Variants in CDHR3 observed in about 807,000 individuals in gnomAD.
CDHR3 encodes the protein cadherin-related family member 3.
In CDHR3, 79 loss-of-function variants were observed where a neutral mutation model predicts 86.6. The ratio of observed to expected loss-of-function variants is 0.91; its 90% CI spans 0.76 to 1.10. The LOEUF is 1.10. Among genes scored for constraint, CDHR3 ranks in the 50% least tolerant of loss-of-function variants. The pLI, the probability that CDHR3 is intolerant of heterozygous loss-of-function variation, is 0.00. For synonymous variants in CDHR3, 421 were observed against 402.4 expected, an observed-to-expected ratio of 1.05 and a Z score of -0.55; for missense variants, 1,081 against 1,077.6, an observed-to-expected ratio of 1.00 and a Z score of -0.04.
chr7:106,028,025 A>G (rs1270719340), intron 16 of CDHR3, among the ~76,000 whole-genome samples: 1 of 151,914 alleles, frequency 6.6e-6, no homozygotes, highest in Non-Finnish European at 1.5e-5. Context: ...TACTGGGGAG[A>G]TAGCTGAGAG....
Position 105,963,280 on chromosome 7 carries a change from C to A in CDHR3, c.-39C>A. 1 of 1,608,636 alleles carries A rather than the reference C, an allele frequency of 6.2e-7. No homozygotes were observed. Among genetic ancestry groups the A allele is most frequent in the Non-Finnish European group, 8.5e-7 (1 of 1,175,234 alleles). On this transcript the variant is annotated 5_prime_UTR_variant, in exon 1 of 19. Coordinates refer to ENST00000317716, the MANE Select transcript of CDHR3 (RefSeq NM_152750.5). Reference sequence around the variant, plus strand: ...GTGTGAGACGGGATTCAGGCTGTGGCTAATGTGCTGGAAGCACGCACAGTT... The same window carrying A: ...GTGTGAGACGGGATTCAGGCTGTGGATAATGTGCTGGAAGCACGCACAGTT...
chr7:106,021,736 G>A (rs761337738), intron 13 of CDHR3, among the ~76,000 whole-genome samples: 1 of 152,206 alleles, frequency 6.6e-6, no homozygotes, highest in South Asian at 2.1e-4. Flanking sequence ...TGACCCACTG[G>A]GTCCTGTGAA....
intron 11 of CDHR3, among the ~76,000 whole-genome samples, chr7:106,017,564 GACAC>G (rs539661927): frequency 0.024 from 3,096 of 130,580 alleles, 30 homozygotes; most frequent in Admixed American, 0.028. Context: ...GTCACACACA[GACAC>G]ACACACACAC....
At chr7:105,993,006 G>C (rs1341885426) in intron 4 of CDHR3, among the ~76,000 whole-genome samples, 1 of 152,180 alleles carries the variant, frequency 6.6e-6, no homozygotes, top group African/African-American at 2.4e-5. Context: ...CTGTCTTCTT[G>C]TGCTGGGAGC....
intron 8 of CDHR3, among the ~76,000 whole-genome samples, chr7:106,005,552 G>A (rs1833832774): frequency 1.3e-5 from 2 of 152,192 alleles, no homozygotes; most frequent in African/African-American, 4.8e-5. Context: ...CCTGTATCTG[G>A]AGCAAGGCTG....
intron 9 of CDHR3, among the ~76,000 whole-genome samples, 170 bp downstream of exon 9, chr7:106,013,201 C>T (rs993577094): frequency 2.0e-5 from 3 of 152,140 alleles, no homozygotes; most frequent in African/African-American, 4.8e-5. Flanking sequence ...TTTATTTTAC[C>T]CTGGTTCCAG....
At chr7:105,966,310 T>C (rs985446932) in intron 1 of CDHR3, among the ~76,000 whole-genome samples, 3 of 152,172 alleles carry the variant, frequency 2.0e-5, no homozygotes, top group Non-Finnish European at 4.4e-5. Flanking sequence ...CCAGGGTATT[T>C]AATGAAAGAA....
chr7:105,996,745 A>G (rs2115761922), intron 6 of CDHR3, among the ~76,000 whole-genome samples: 1 of 152,190 alleles, frequency 6.6e-6, no homozygotes, highest in South Asian at 2.1e-4. Context: ...CGCTCCTAGT[A>G]TGTTATCCTC....
Position 106,032,580 on chromosome 7 carries a change from G to A in CDHR3, c.2541G>A (p.Ala847=), listed in dbSNP as rs1297175574. The change falls in exon 19 of 19, where the codon GCG becomes GCA. Residue 847 remains alanine (A), a synonymous_variant. Transcript: ENST00000317716. Reference sequence around the variant, plus strand: ...AAGAAGATGAGCTGAGTGGCAAAGCGTGGGCTGAGGATGCTGGTCTGGGTT... The same window carrying A: ...AAGAAGATGAGCTGAGTGGCAAAGCATGGGCTGAGGATGCTGGTCTGGGTT... The part of the protein sequence containing the change: ...NWEEDELSGK[A]WAEDAGLGSR... The A allele has an allele frequency of 7.4e-6, 12 of 1,613,892 alleles. No homozygotes were observed. The highest frequency in any genetic ancestry group is 1.1e-5 in the South Asian group (1 of 91,076).
Position 106,024,518 on chromosome 7 carries a change from C to A in CDHR3, c.2214C>A (p.Ile738=), listed in dbSNP as rs1485335571. 1.9e-6 allele frequency: 3 copies of A among 1,614,030 alleles called. No homozygotes were observed. The highest frequency in any genetic ancestry group is 1.1e-5 in the South Asian group (1 of 91,086). Residue 738 remains isoleucine (I), a synonymous_variant, in exon 15 of 19, where the codon ATC becomes ATA. Coordinates refer to ENST00000317716, the MANE Select transcript of CDHR3 (RefSeq NM_152750.5). ...TGGTCGTCCTATTGGCCAAAGCCAT[C>A]CACAGACACTGCCCCTGCAAGACTG... ...VYLVVLLAKA[I]HRHCPCKTGK... is the part of the protein sequence containing the mutation.
rs747564628 is a variant in CDHR3, at chr7:106,020,518, G to T, written c.1799G>T (p.Arg600Ile). Residue 600 changes from arginine to isoleucine, a missense_variant, in exon 13 of 19, where the codon AGA (arginine) becomes ATA (isoleucine). Arg to Ile is a moderately conservative substitution (Grantham distance 97). Transcript: ENST00000317716. ...LTCTDLDSSP[R>I]SFRYSIGPGN... ...TGTACCGACCTTGATTCCAGCCCCA[G>T]ATCTTTCCGTTATTCCATTGGCCCA... is the stretch of plus-strand genomic sequence containing the variant. 1 of 1,613,828 alleles carries T rather than the reference G, an allele frequency of 6.2e-7. No homozygotes were observed.
chr7:106,001,543 TGAA>T lies in CDHR3; in HGVS notation c.797_799del (p.Glu266del). On this transcript the variant is annotated inframe_deletion, in exon 7 of 19. Coordinates refer to ENST00000317716, the MANE Select transcript of CDHR3 (RefSeq NM_152750.5). Reference sequence around the variant, plus strand: ...ATATCACAGCGGAGGATCCTGATGATGAAGGTTTTCCCAGCCACCTCCTCTACA... The same window carrying T: ...ATATCACAGCGGAGGATCCTGATGATGGTTTTCCCAGCCACCTCCTCTACA... 1 of 1,613,992 alleles carries T rather than the reference TGAA, an allele frequency of 6.2e-7. No homozygotes were observed. The highest frequency in any genetic ancestry group is 1.1e-5 in the South Asian group (1 of 91,076).
intron 1 of CDHR3, among the ~76,000 whole-genome samples, chr7:105,970,907 C>T (rs555855766): frequency 1.3e-5 from 2 of 151,864 alleles, no homozygotes; most frequent in East Asian, 1.9e-4. Flanking sequence ...TTTGGGAGGC[C>T]GAGGCAGGTG....
chr7:106,029,541 C>G (rs547345053), intron 17 of CDHR3, among the ~76,000 whole-genome samples: 2 of 143,318 alleles, frequency 1.4e-5, no homozygotes, highest in East Asian at 4.2e-4. Flanking sequence ...CCCTCTCCTC[C>G]ACCTCTGTCT....
In CDHR3 at chr7:106,030,173, C is replaced by A. The variant is rs1838110829; in HGVS notation, c.2305-619C>A. On this transcript the variant is annotated intron_variant, in intron 17 of 18. Coordinates refer to ENST00000317716, the MANE Select transcript of CDHR3 (RefSeq NM_152750.5). This position sits in a 1 kb window ranked among gnomAD's most constrained non-coding sequence, Gnocchi z 4.8. ...AGGGAAGGGGGTGTTTCTATGGGGA[C>A]AAGGGACAGGTGCATTAGGCAGAAG... is the stretch of plus-strand genomic sequence containing the variant. 6.6e-6 allele frequency among the ~76,000 whole-genome samples: 1 copy of A among 152,196 alleles called. No homozygotes were observed. Among genetic ancestry groups the A allele is most frequent in the Admixed American group, 6.5e-5 (1 of 15,284 alleles).
intron 3 of CDHR3, among the ~76,000 whole-genome samples, chr7:105,983,551 C>T (rs1010065829): frequency 8.5e-5 from 13 of 152,156 alleles, no homozygotes; most frequent in African/African-American, 3.1e-4. Context: ...TCCATCATCA[C>T]TGGGAAGGAA....
At chr7:106,008,823 C>G (rs1834331778) in intron 8 of CDHR3, among the ~76,000 whole-genome samples, 1 of 152,188 alleles carries the variant, frequency 6.6e-6, no homozygotes, top group Non-Finnish European at 1.5e-5. Flanking sequence ...CTCTTCTGCC[C>G]TCCTGCTCTT....
intron 17 of CDHR3, among the ~76,000 whole-genome samples, chr7:106,029,664 TA>T (rs1340247285): frequency 6.6e-6 from 1 of 151,870 alleles, no homozygotes; most frequent in African/African-American, 2.4e-5. Context: ...CCCCCACGAA[TA>T]AGGCTTTGTC....
intron 12 of CDHR3, 150 bp from the exon 13 acceptor site, chr7:106,020,223 C>T (rs1836352924): frequency 1.5e-6 from 1 of 675,550 alleles, no homozygotes; most frequent in Non-Finnish European, 2.5e-6. Context: ...TCCATTTTCT[C>T]ACCATAAAAT....
Sources: allele counts gnomAD v4.1 joint callset (sites outside exome capture counted in the v4.1 genomes callset), GRCh38; gene constraint gnomAD v4.1.1; non-coding constraint Gnocchi (gnomAD v3.1); transcripts MANE v1.5; gene names NCBI Gene and HGNC (gene_info 2026-07-23, HGNC 2026-07-21).